Variants in FAM161A observed in about 807,000 individuals in gnomAD.
FAM161A encodes the protein FAM161 centrosomal protein A.
A neutral mutation model predicts 70.9 loss-of-function variants in FAM161A; 57 were observed. The ratio of observed to expected loss-of-function variants is 0.80; its 90% CI spans 0.65 to 1.00. The LOEUF is 1.00. FAM161A is among the 50% of genes least tolerant of loss of function. The probability of loss-of-function intolerance (pLI) is 0.00; values close to 1 mark genes in which losing one functional copy is unlikely to be tolerated. For missense variants in FAM161A, 880 were observed against 836.0 expected, an observed-to-expected ratio of 1.05 and a Z score of -0.65; for synonymous variants, 299 against 295.7, an observed-to-expected ratio of 1.01 and a Z score of -0.12.
At chr2:61,801,162 A>G in the FAM161A span, among the ~76,000 whole-genome samples, 1 of 152,094 alleles carries the variant, frequency 6.6e-6, no homozygotes, top group Non-Finnish European at 1.5e-5. Flanking sequence ...CACGGGAAAC[A>G]ATTTTCCTCT....
the FAM161A span, among the ~76,000 whole-genome samples, chr2:61,810,080 T>A: frequency 6.6e-6 from 1 of 152,102 alleles, no homozygotes; most frequent in Non-Finnish European, 1.5e-5. Context: ...CCCAGTTGAG[T>A]CCAGCCCAAA....
Position 61,826,479 on chromosome 2 carries a change from C to T in FAM161A, c.2127G>A (p.Glu709=). 1 of 1,610,384 alleles carries T rather than the reference C, an allele frequency of 6.2e-7. No individual in the cohort carries two copies. ...KDEANEESEE[E]KSVEESH is the part of the protein sequence containing the mutation. ...TTCAGTGTGATTCTTCAACAGATTT[C>T]TCTTCTTCACTTTCCTCATTGGCTT... Residue 709 remains glutamate, a synonymous_variant, in exon 7 of 7, where the codon GAG becomes GAA. Transcript: ENST00000404929.
At chr2:61,808,271 AT>A in the FAM161A span, among the ~76,000 whole-genome samples, 1 of 142,918 alleles carries the variant, frequency 7.0e-6, no homozygotes, top group Non-Finnish European at 1.5e-5. Context: ...GATTATTATT[AT>A]TATTTTTTTT....
intron 1 of FAM161A, among the ~76,000 whole-genome samples, chr2:61,842,823 A>C (rs1175086437): frequency 6.6e-6 from 1 of 152,126 alleles, no homozygotes; most frequent in Non-Finnish European, 1.5e-5. Context: ...CTGCCAGTGG[A>C]GAGAAGGCAG....
At chr2:61,842,925 G>T (rs996050766) in intron 1 of FAM161A, among the ~76,000 whole-genome samples, 1 of 152,170 alleles carries the variant, frequency 6.6e-6, no homozygotes, top group African/African-American at 2.4e-5. Flanking sequence ...CAAGACTTTG[G>T]GAGGGAGTAA....
Position 61,836,829 on chromosome 2 carries a change from C to T in FAM161A, c.1752-720G>A, listed in dbSNP as rs775036323. On this transcript the variant is annotated intron_variant, in intron 4 of 6. Coordinates refer to ENST00000404929, the MANE Select transcript of FAM161A (RefSeq NM_001201543.2). ...CCTCAGGTGATCTGCCTGTCTTGGCCTCTCAAAGTGCTGGGATTACAGGCA... is the reference window on the plus strand; with the variant it reads ...CCTCAGGTGATCTGCCTGTCTTGGCTTCTCAAAGTGCTGGGATTACAGGCA... 19 of 241,472 alleles carry T rather than the reference C, an allele frequency of 7.9e-5. No individual in the cohort carries two copies. In the South Asian group the frequency reaches 8.0e-4, roughly 10 times the overall value. The allele number at this position is 241,472 out of a possible 1,614,324, so 15.0% of individuals were successfully genotyped here.
At position 61,826,349 on chromosome 2, in the gene FAM161A, T is replaced by C. The variant is rs776084597; in HGVS notation, c.*106A>G. On this transcript the variant is annotated 3_prime_UTR_variant, in exon 7 of 7. Coordinates refer to ENST00000404929, the MANE Select transcript of FAM161A (RefSeq NM_001201543.2). ...TACAGATGACTTTGATCAACAGCCC[T>C]GCACATATCAGAAGCGTCCCCACAG... The C allele has an allele frequency of 4.7e-5, 59 of 1,251,246 alleles. No homozygotes were observed. In the South Asian group the frequency reaches 7.5e-4, roughly 16 times the overall value. 77.5% of individuals were successfully genotyped at this position (1,251,246 alleles called of 1,614,324 possible).
Position 61,826,568 on chromosome 2 carries a change from CTCTT to C in FAM161A, c.2034_2037del (p.Glu680MetfsTer97), listed in dbSNP as rs748147923. 61 of 1,600,212 alleles carry C rather than the reference CTCTT, an allele frequency of 3.8e-5. No homozygotes were observed. Among genetic ancestry groups the C allele is most frequent in the Non-Finnish European group, 2.0e-5 (23 of 1,170,548 alleles). ...ATAAAATAATTTTCTTCCCCATTCT[CTCTT>C]TCTTCTATTTTTTCTTCTTCATTAA... On this transcript the variant is annotated frameshift_variant, in exon 7 of 7. Coordinates refer to ENST00000404929, the MANE Select transcript of FAM161A (RefSeq NM_001201543.2). LOFTEE classifies it high-confidence loss of function.
chr2:61,804,841 G>A, the FAM161A span, among the ~76,000 whole-genome samples: 1 of 127,508 alleles, frequency 7.8e-6, no homozygotes, highest in Non-Finnish European at 1.7e-5. Context: ...AAAGAAGGAA[G>A]CAAGGAAGAA....
chr2:61,829,832 T>A (rs1247380004), intron 5 of FAM161A, among the ~76,000 whole-genome samples: 2 of 152,190 alleles, frequency 1.3e-5, no homozygotes, highest in Non-Finnish European at 2.9e-5. Context: ...ACAGGCATAT[T>A]GTGTTAGGGA....
chr2:61,803,907 A>G, the FAM161A span, among the ~76,000 whole-genome samples: 1 of 152,182 alleles, frequency 6.6e-6, no homozygotes, highest in African/African-American at 2.4e-5. Flanking sequence ...CCAGACCCCA[A>G]GAGAGTGTTC....
Position 61,835,005 on chromosome 2 carries a change from C to T in FAM161A, c.1851+1005G>A, listed in dbSNP as rs975118048. Among the ~76,000 whole-genome samples the T allele has an allele frequency of 3.3e-5, 5 of 151,842 alleles. No individual in the cohort carries two copies. The South Asian group carries it at 6.2e-4, about 19-fold the overall frequency. On this transcript the variant is annotated intron_variant, in intron 5 of 6. Coordinates refer to ENST00000404929, the MANE Select transcript of FAM161A (RefSeq NM_001201543.2). ...TTGAAATAAAGATGTTAAAAAAATC[C>T]ATCACTTAAAATGAAAGGCATTATA...
At chr2:61,804,949 G>T in the FAM161A span, among the ~76,000 whole-genome samples, 1 of 152,010 alleles carries the variant, frequency 6.6e-6, no homozygotes, top group Non-Finnish European at 1.5e-5. Flanking sequence ...TGAATCCACT[G>T]GCACCTAGAC....
the FAM161A span, among the ~76,000 whole-genome samples, chr2:61,816,769 G>A: frequency 3.3e-5 from 5 of 152,272 alleles, no homozygotes; most frequent in African/African-American, 1.2e-4. Context: ...CCTGGCCTGT[G>A]TGTACTTTAA....
chr2:61,827,712 A>T (rs894614250), intron 5 of FAM161A, among the ~76,000 whole-genome samples: 1 of 151,918 alleles, frequency 6.6e-6, no homozygotes, highest in South Asian at 2.1e-4. Context: ...CAACAATTAC[A>T]CTCCTAGGAA....
intron 1 of FAM161A, among the ~76,000 whole-genome samples, chr2:61,847,772 A>AAAAAC (rs958080074): frequency 2.6e-5 from 4 of 152,162 alleles, no homozygotes; most frequent in African/African-American, 4.8e-5. Flanking sequence ...CCTGTCTCAA[A>AAAAAC]AAAACAAAAC....
chr2:61,839,707 C>T lies in FAM161A; in HGVS notation c.1297G>A (p.Asp433Asn). ...TGTTTCTGGTATCTCTCAGGAAGGT[C>T]CTCAAAATCAGGAGTTGGGCACCTA... ...KVRCPTPDFE[D>N]LPERYQKHLS... Residue 433 changes from aspartate to asparagine, a missense_variant, in exon 3 of 7, where the codon GAC becomes AAC. By Grantham distance (23) the Asp-to-Asn change is conservative. Coordinates refer to ENST00000404929, the MANE Select transcript of FAM161A (RefSeq NM_001201543.2). The T allele has an allele frequency of 6.2e-7, 1 of 1,614,088 alleles. No homozygotes were observed.
At chr2:61,806,672 T>G in the FAM161A span, among the ~76,000 whole-genome samples, 239 of 148,288 alleles carry the variant, frequency 1.6e-3, 1 homozygote, top group African/African-American at 5.6e-3. Context: ...CAATTTTGCT[T>G]TCCACGTCTT....
At position 61,826,680 on chromosome 2, in the gene FAM161A, C is replaced by T. The variant is rs563390775; in HGVS notation, c.2007-81G>A. 152 of 1,196,292 alleles carry T rather than the reference C, an allele frequency of 1.3e-4. 2 individuals are homozygous for T. In the South Asian group the frequency reaches 1.7e-3, roughly 13 times the overall value. 74.1% of individuals were successfully genotyped at this position (1,196,292 alleles called of 1,614,324 possible). A position where few individuals can be genotyped will look rare whatever the true frequency, so the allele number is the denominator to read the frequency against. ...AACAAACCCTCTGCAAGTATGCCAC[C>T]GTGTAGCCAGTCTTCCTCAAGTGTA... On this transcript the variant is annotated intron_variant, in intron 6 of 6. Transcript: ENST00000404929.
Sources: allele counts gnomAD v4.1 joint callset (sites outside exome capture counted in the v4.1 genomes callset), GRCh38; gene constraint gnomAD v4.1.1; transcripts MANE v1.5; gene names NCBI Gene and HGNC (gene_info 2026-07-23, HGNC 2026-07-21).